CCAR2: variants seen among roughly 807,000 people sequenced by gnomAD.
CCAR2 encodes cell cycle and apoptosis regulator 2.
In CCAR2, 21 loss-of-function variants were observed where a neutral mutation model predicts 108.1. The observed-to-expected ratio is 0.19, with a 90% CI of 0.14 to 0.28. CCAR2 has a LOEUF of 0.28. Among genes scored for constraint, CCAR2 ranks in the 10% least tolerant of loss-of-function variants. The pLI, the probability that CCAR2 is intolerant of heterozygous loss-of-function variation, is 1.00. For missense variants in CCAR2, 1,126 were observed against 1,177.0 expected (o/e 0.96, Z 0.63); for synonymous variants, 577 against 472.8 (o/e 1.22, Z -2.86).
chr8:22,607,309 A>C lies in CCAR2; in HGVS notation c.471A>C (p.Pro157=), dbSNP rs201565143. The C allele has an allele frequency of 1.6e-5, 25 of 1,611,996 alleles. No individual in the cohort carries two copies. The East Asian group carries it at 3.8e-4, about 24-fold the overall frequency. ...TCTTCCAGCCTCACCGGATTCCCCC[A>C]CTCTTTCCTCAGAAGCGTGAGTACG... ...QLIFQPHRIP[P]LFPQKPLSLF... is the part of the protein sequence containing the mutation. Residue 157 remains proline, a synonymous_variant, in exon 6 of 21, where the codon CCA becomes CCC. Coordinates refer to ENST00000308511, the MANE Select transcript of CCAR2 (RefSeq NM_001393997.1).
At chr8:22,611,979 T>C (rs55776566) in intron 7 of CCAR2, among the ~76,000 whole-genome samples, 61,237 of 150,852 alleles carry the variant, frequency 0.41, 13,194 homozygotes, top group African/African-American at 0.54. Context: ...GAGTATCGCT[T>C]TGTTGCCCAG....
chr8:22,613,810 A>G, intron 8 of CCAR2: 1 of 402,042 alleles, frequency 2.5e-6, no homozygotes, highest in South Asian at 4.4e-5. Flanking sequence ...AGGCTTTTGA[A>G]CTTTTTGTTA....
rs141826018 is a variant in CCAR2 at position 22,615,652 on chromosome 8, C to T, written c.1378-30C>T. On this transcript the variant is annotated intron_variant, in intron 12 of 20. Transcript: ENST00000308511. ...ATATAGGTGGCCTAATCCCGGGACC[C>T]AGAGGGTCTCATTTCAGCTGTTGTC... is the stretch of plus-strand genomic sequence containing the variant. 866 of 1,613,760 alleles carry T rather than the reference C, an allele frequency of 5.4e-4. 8 individuals carry two copies. The African/African-American group carries it at 0.01, about 19-fold the overall frequency.
chr8:22,621,257 G>A (rs754694799), downstream of CCAR2: 112 of 933,052 alleles, frequency 1.2e-4, 1 homozygote, highest in Middle Eastern at 4.3e-3. Flanking sequence ...GGCCTGCCTA[G>A]GGCTCCTGGT....
rs1563911388 is a variant in CCAR2, at chr8:22,610,857, T to TAA, written c.585-2160_585-2159insAA. Among the ~76,000 whole-genome samples the TAA allele has an allele frequency of 5.9e-5, 9 of 152,338 alleles. No individual in the cohort carries two copies. In the East Asian group the frequency reaches 1.5e-3, roughly 26 times the overall value. Reference sequence around the variant, plus strand: ...TGGGTTTTATTTCTCTCATGTGACATGGGGGGTTTTCCCCTTATCAGTCTG... The same window carrying TAA: ...TGGGTTTTATTTCTCTCATGTGACATAAGGGGGGTTTTCCCCTTATCAGTCTG... On this transcript the variant is annotated intron_variant, in intron 7 of 20. Coordinates refer to ENST00000308511, the MANE Select transcript of CCAR2 (RefSeq NM_001393997.1).
chr8:22,607,556 C>T (rs893512660), intron 6 of CCAR2, among the ~76,000 whole-genome samples: 13 of 151,342 alleles, frequency 8.6e-5, no homozygotes, highest in African/African-American at 2.9e-4. Context: ...CAACCTCTGC[C>T]TCCTGGGTTC....
At chr8:22,617,593 C>T in intron 15 of CCAR2, 29 bp downstream of exon 15, 1 of 1,605,638 alleles carries the variant, frequency 6.2e-7, no homozygotes, top group Non-Finnish European at 8.5e-7. Flanking sequence ...GGGGAGCTTG[C>T]AGGCTTGGGA....
In CCAR2 at chr8:22,611,450, A is replaced by G. The variant is rs531140526; in HGVS notation, c.585-1567A>G. ...TGTATATATGTGTGTGTGTATACATATGTGTGTGTGTATATATATATGTAA... is the reference window on the plus strand; with the variant it reads ...TGTATATATGTGTGTGTGTATACATGTGTGTGTGTGTATATATATATGTAA... On this transcript the variant is annotated intron_variant, in intron 7 of 20. Coordinates refer to ENST00000308511, the MANE Select transcript of CCAR2 (RefSeq NM_001393997.1). Among the ~76,000 whole-genome samples, 142 of 123,070 alleles carry G rather than the reference A, an allele frequency of 1.2e-3. 1 individual carries two copies. Among genetic ancestry groups the G allele is most frequent in the African/African-American group, 5.8e-3 (132 of 22,584 alleles). The allele number at this position is 123,070 out of a possible 152,430, so 80.7% of individuals were successfully genotyped here. A position where few individuals can be genotyped will look rare whatever the true frequency, so the allele number is the denominator to read the frequency against.
intron 7 of CCAR2, chr8:22,612,666 A>G (rs183109141): frequency 4.7e-4 from 79 of 168,146 alleles, no homozygotes; most frequent in Non-Finnish European, 7.7e-4. Context: ...CACGTTAACT[A>G]TAATTAATGA....
intron 8 of CCAR2, among the ~76,000 whole-genome samples, chr8:22,613,354 T>C (rs1392204382): frequency 8.3e-6 from 1 of 119,884 alleles, no homozygotes; most frequent in East Asian, 2.3e-4. Context: ...TAGATCTAGT[T>C]CTTTTTTTTT....
rs747729818 is a variant in CCAR2 at position 22,617,412 on chromosome 8, C to G, written c.1846-8C>G. 6.5e-7 allele frequency: 1 copy of G among 1,529,450 alleles called. No individual in the cohort carries two copies. Among genetic ancestry groups the G allele is most frequent in the African/African-American group, 1.4e-5 (1 of 71,778 alleles). 94.7% of individuals were successfully genotyped at this position (1,529,450 alleles called of 1,614,324 possible). A position where few individuals can be genotyped will look rare whatever the true frequency, so the allele number is the denominator to read the frequency against. Reference sequence around the variant, plus strand: ...CCTTTTCCTTATAACCTTTGTCTGCCTCTGTAGAAGGAGGATGGGCTTTTG... The same window carrying G: ...CCTTTTCCTTATAACCTTTGTCTGCGTCTGTAGAAGGAGGATGGGCTTTTG... On this transcript the variant is annotated splice_region_variant and splice_polypyrimidine_tract_variant and intron_variant, in intron 14 of 20. Coordinates refer to ENST00000308511, the MANE Select transcript of CCAR2 (RefSeq NM_001393997.1).
rs1267053350 is a variant in CCAR2 at position 22,604,821 on chromosome 8, G to C, written c.-60G>C. ...GGTTCCGGGTGTCTTTGTCCCCCCG[G>C]TGTCGCTGCCCTGGCCCGCAGGTGG... is the stretch of plus-strand genomic sequence containing the variant. On this transcript the variant is annotated 5_prime_UTR_variant, in exon 1 of 21. Transcript: ENST00000308511. 2 of 454,994 alleles carry C rather than the reference G, an allele frequency of 4.4e-6. No homozygotes were observed. Among genetic ancestry groups the C allele is most frequent in the Non-Finnish European group, 8.8e-6 (2 of 226,796 alleles). 28.2% of individuals were successfully genotyped at this position (454,994 alleles called of 1,614,324 possible).
At chr8:22,621,387 C>T (rs1468312622), downstream of CCAR2, 2 of 1,596,564 alleles carry the variant, frequency 1.3e-6, no homozygotes, top group Admixed American at 1.7e-5. Flanking sequence ...ATGAGGCTGA[C>T]CACGTCACAG....
chr8:22,609,952 G>A (rs113992868), intron 7 of CCAR2, among the ~76,000 whole-genome samples: 2,950 of 147,920 alleles, frequency 0.02, 93 homozygotes, highest in African/African-American at 0.067. Context: ...AACTTTTTGA[G>A]TGCTGACATG....
In CCAR2 at chr8:22,615,783, G is replaced by A. The variant is rs138444882; in HGVS notation, c.1479G>A (p.Thr493=). 1.2e-4 allele frequency: 192 copies of A among 1,613,928 alleles called. No individual in the cohort carries two copies. The highest frequency in any genetic ancestry group is 1.1e-3 in the East Asian group (48 of 44,868). Residue 493 remains threonine (T), a synonymous_variant, in exon 13 of 21, where the codon ACG becomes ACA. Coordinates refer to ENST00000308511, the MANE Select transcript of CCAR2 (RefSeq NM_001393997.1). The part of the protein sequence containing the change: ...ETPEATTQQE[T]DTDLPEAPPP... ...CAGAGGCCACCACACAGCAGGAAAC[G>A]GACACTGATCTCCCAGAGGCCCCTC... is the stretch of plus-strand genomic sequence containing the variant.
chr8:22,609,052 CT>C (rs71546822), intron 7 of CCAR2, among the ~76,000 whole-genome samples: 1,808 of 133,098 alleles, frequency 0.014, 19 homozygotes, highest in African/African-American at 0.042. Context: ...CTTTTTTTTT[CT>C]TTTTTTTTTT....
rs367702105 is a variant in CCAR2, at chr8:22,614,208, C to A, written c.821C>A (p.Ser274Tyr). Residue 274 changes from serine (S) to tyrosine (Y), a missense_variant, in exon 9 of 21, where the codon TCC becomes TAC. Coordinates refer to ENST00000308511, the MANE Select transcript of CCAR2 (RefSeq NM_001393997.1). ...LSAFPLSQPF[S>Y]LHHPSRIQVS... is the part of the protein sequence containing the mutation. ...GCCTTCCCCCTGAGCCAGCCCTTTT[C>A]CCTCCATCATCCAAGCCGGATCCAG... 8 of 1,613,976 alleles carry A rather than the reference C, an allele frequency of 5.0e-6. No individual in the cohort carries two copies. The highest frequency in any genetic ancestry group is 1.3e-5 in the African/African-American group (1 of 74,938).
rs764594580 is a variant in CCAR2 at position 22,619,302 on chromosome 8, C to T, written c.2674C>T (p.Leu892Phe). ...KSQLQRLLQELRRRLTPLQLE... is the reference protein window; with the variant it reads ...KSQLQRLLQEFRRRLTPLQLE... ...CCAGCTCCAGCGGCTGCTGCAGGAGCTCCGCAGGCGTCTGACCCCCCTGCA... is the reference window on the plus strand; with the variant it reads ...CCAGCTCCAGCGGCTGCTGCAGGAGTTCCGCAGGCGTCTGACCCCCCTGCA... Residue 892 changes from leucine to phenylalanine, a missense_variant, in exon 20 of 21, where the codon CTC becomes TTC. Leu to Phe is a conservative substitution (Grantham distance 22). Transcript: ENST00000308511. 6.4e-7 allele frequency: 1 copy of T among 1,564,140 alleles called. No individual in the cohort carries two copies. The highest frequency in any genetic ancestry group is 8.7e-7 in the Non-Finnish European group (1 of 1,155,066).
chr8:22,619,301 G>A lies in CCAR2; in HGVS notation c.2673G>A (p.Glu891=). Residue 891 remains glutamate (E), a synonymous_variant, in exon 20 of 21, where the codon GAG becomes GAA. Transcript: ENST00000308511. ...QKSQLQRLLQ[E]LRRRLTPLQL... ...GCCAGCTCCAGCGGCTGCTGCAGGAGCTCCGCAGGCGTCTGACCCCCCTGC... is the reference window on the plus strand; with the variant it reads ...GCCAGCTCCAGCGGCTGCTGCAGGAACTCCGCAGGCGTCTGACCCCCCTGC... 6.4e-7 allele frequency: 1 copy of A among 1,564,036 alleles called. No homozygotes were observed.
Sources: allele counts gnomAD v4.1 joint callset (sites outside exome capture counted in the v4.1 genomes callset), GRCh38; gene constraint gnomAD v4.1.1; transcripts MANE v1.5; gene names NCBI Gene and HGNC (gene_info 2026-07-23, HGNC 2026-07-21).